Variants in DNAAF9 observed in about 807,000 individuals in gnomAD.
DNAAF9 encodes dynein axonemal assembly factor 9.
Under a neutral mutation model 167.0 loss-of-function variants are expected in DNAAF9, and 90 were observed. That is an observed-to-expected ratio of 0.54 (90% CI 0.45 to 0.64). The LOEUF is 0.64. Ranked by LOEUF, DNAAF9 falls within the 30% of genes least tolerant of loss-of-function variation. The pLI, the probability that DNAAF9 is intolerant of heterozygous loss-of-function variation, is 0.00. For synonymous variants in DNAAF9, 491 were observed against 508.8 expected (o/e 0.96, Z 0.47); for missense variants, 1,315 against 1,442.2 (o/e 0.91, Z 1.43).
intron 6 of DNAAF9, among the ~76,000 whole-genome samples, chr20:3,363,479 T>G (rs530884673): frequency 2.4e-4 from 30 of 124,456 alleles, no homozygotes; most frequent in Admixed American, 1.6e-3. Context: ...AAATAAAAAC[T>G]AAAAAATAAA....
At chr20:3,326,399 G>C in intron 12 of DNAAF9, 115 bp from the exon 13 acceptor site, 2 of 711,934 alleles carry the variant, frequency 2.8e-6, no homozygotes, top group South Asian at 3.6e-5. Flanking sequence ...AATGAAAAAA[G>C]GCAAAAATAT....
At chr20:3,348,048 G>A (rs1456449707) in intron 8 of DNAAF9, among the ~76,000 whole-genome samples, 4 of 152,220 alleles carry the variant, frequency 2.6e-5, no homozygotes, top group African/African-American at 9.6e-5. Flanking sequence ...AGGCTAGAAT[G>A]CTAGCTTAGA....
chr20:3,344,023 C>T (rs2070142133), intron 8 of DNAAF9, among the ~76,000 whole-genome samples: 1 of 151,924 alleles, frequency 6.6e-6, no homozygotes, highest in African/African-American at 2.4e-5. Context: ...AGACAAAAAC[C>T]TGCAAAAAGG....
At chr20:3,312,953 C>A (rs1328290139) in intron 20 of DNAAF9, among the ~76,000 whole-genome samples, 1 of 152,214 alleles carries the variant, frequency 6.6e-6, no homozygotes, top group Admixed American at 6.5e-5. Flanking sequence ...TAATAAGCCT[C>A]CAGAAATCCC....
At chr20:3,304,256 C>T (rs1465752083) in intron 21 of DNAAF9, among the ~76,000 whole-genome samples, 184 bp downstream of exon 21, 1 of 152,130 alleles carries the variant, frequency 6.6e-6, no homozygotes, top group South Asian at 2.1e-4. Flanking sequence ...TGATGAGGCT[C>T]GTAAGCGTCT....
intron 23 of DNAAF9, chr20:3,296,243 G>A (rs996405690): frequency 9.6e-5 from 46 of 477,546 alleles, no homozygotes; most frequent in South Asian, 3.0e-4. Flanking sequence ...CACTCTACCC[G>A]GGGTGACAGA....
intron 1 of DNAAF9, among the ~76,000 whole-genome samples, chr20:3,385,810 C>G (rs953011219): frequency 2.0e-5 from 3 of 152,154 alleles, no homozygotes; most frequent in Non-Finnish European, 2.9e-5. Context: ...ACAGCACTTA[C>G]ATGTTAAAAA....
intron 23 of DNAAF9, chr20:3,296,596 G>A (rs529306080): frequency 4.9e-5 from 21 of 426,544 alleles, no homozygotes; most frequent in African/African-American, 3.8e-4. Flanking sequence ...AGGCAGGCTA[G>A]TCTCTAATTC....
intron 1 of DNAAF9, among the ~76,000 whole-genome samples, chr20:3,383,263 C>A (rs946914342): frequency 1.4e-5 from 2 of 147,738 alleles, no homozygotes; most frequent in African/African-American, 5.0e-5. Flanking sequence ...AATACTCATT[C>A]CCTAACACTT....
chr20:3,334,912 T>C (rs1861672804), intron 10 of DNAAF9, among the ~76,000 whole-genome samples: 2 of 152,244 alleles, frequency 1.3e-5, no homozygotes. Context: ...TTCAAGTCTA[T>C]GAGATCCTCA....
At chr20:3,255,461 C>T (rs368085172) in intron 34 of DNAAF9, among the ~76,000 whole-genome samples, 177 bp from the exon 35 acceptor site, 1 of 152,108 alleles carries the variant, frequency 6.6e-6, no homozygotes, top group Non-Finnish European at 1.5e-5. Flanking sequence ...ACTTTCCCAT[C>T]ACAGAGCCCT....
intron 29 of DNAAF9, among the ~76,000 whole-genome samples, chr20:3,277,304 T>C (rs2068690419): frequency 6.6e-6 from 1 of 152,096 alleles, no homozygotes; most frequent in Non-Finnish European, 1.5e-5. Flanking sequence ...CGTGGATCTC[T>C]TTTTCTCCTT....
chr20:3,262,988 T>C (rs2068420907), intron 31 of DNAAF9, among the ~76,000 whole-genome samples: 1 of 143,928 alleles, frequency 6.9e-6, no homozygotes, highest in African/African-American at 2.6e-5. Flanking sequence ...TTTTTTTTTT[T>C]TTTTGAGACG....
intron 15 of DNAAF9, 58 bp downstream of exon 15, chr20:3,322,592 CCT>C: frequency 1.6e-6 from 2 of 1,267,760 alleles, no homozygotes; most frequent in Non-Finnish European, 1.2e-6. Flanking sequence ...AGCAGCCTCC[CCT>C]CTCTTTATCT....
intron 30 of DNAAF9, among the ~76,000 whole-genome samples, chr20:3,265,385 C>T (rs1039703336): frequency 1.3e-5 from 2 of 151,184 alleles, no homozygotes; most frequent in East Asian, 2.0e-4. Context: ...GCCAACATGG[C>T]GAAACCCCAT....
intron 25 of DNAAF9, among the ~76,000 whole-genome samples, chr20:3,290,610 C>CT (rs887813336): frequency 1.2e-4 from 18 of 152,056 alleles, no homozygotes; most frequent in Admixed American, 1.0e-3. Flanking sequence ...GATATTATGA[C>CT]TTTTTTTCCC....
rs1317540036 is a variant in DNAAF9 at position 3,249,812 on chromosome 20, A to G, written c.*2760T>C. 6.6e-6 allele frequency: 1 copy of G among 152,134 alleles called. No individual in the cohort carries two copies. The highest frequency in any genetic ancestry group is 2.4e-5 in the African/African-American group (1 of 41,412). 9.4% of individuals were successfully genotyped at this position (152,134 alleles called of 1,614,324 possible). Reference sequence around the variant, plus strand: ...CAAAAATTCTCCAAAATCCTAATAGAATTTAGGAGGGAACTTTTTCTTGCG... The same window carrying G: ...CAAAAATTCTCCAAAATCCTAATAGGATTTAGGAGGGAACTTTTTCTTGCG... On this transcript the variant is annotated 3_prime_UTR_variant, in exon 37 of 37. Transcript: ENST00000252032.
chr20:3,351,681 T>C (rs984335335), intron 7 of DNAAF9, among the ~76,000 whole-genome samples: 16 of 152,218 alleles, frequency 1.1e-4, no homozygotes, highest in Admixed American at 9.8e-4. Context: ...ATGATAAAAT[T>C]GCAAAGAAAA....
intron 35 of DNAAF9, 76 bp from the exon 36 acceptor site, chr20:3,253,895 C>T (rs2068234304): frequency 2.3e-6 from 2 of 860,786 alleles, no homozygotes; most frequent in Admixed American, 3.7e-5. Context: ...ACAAACAAGT[C>T]TATTTCCCTA....
Sources: allele counts gnomAD v4.1 joint callset (sites outside exome capture counted in the v4.1 genomes callset), GRCh38; gene constraint gnomAD v4.1.1; transcripts MANE v1.5; gene names NCBI Gene and HGNC (gene_info 2026-07-23, HGNC 2026-07-21).